TMEM131: variants seen among roughly 807,000 people sequenced by gnomAD.
The protein encoded by TMEM131 is transmembrane protein 131, also known as 2610524E03Rik.
In TMEM131, 66 loss-of-function variants were observed where a neutral mutation model predicts 211.6. The ratio of observed to expected loss-of-function variants is 0.31; its 90% CI spans 0.26 to 0.38. The LOEUF is 0.38. Ranked by LOEUF, TMEM131 falls within the 10% of genes least tolerant of loss-of-function variation. The pLI, the probability that TMEM131 is intolerant of heterozygous loss-of-function variation, is 1.00. For synonymous variants in TMEM131, 844 were observed against 841.3 expected (o/e 1.00, Z -0.06); for missense variants, 2,036 against 2,299.3 (o/e 0.89, Z 2.34).
At chr2:97,966,507 T>C (rs1679065678) in intron 1 of TMEM131, among the ~76,000 whole-genome samples, 1 of 152,160 alleles carries the variant, frequency 6.6e-6, no homozygotes, top group Non-Finnish European at 1.5e-5. Context: ...CTTCATCTCT[T>C]AGGTTCCAAC....
chr2:97,891,803 T>C (rs893019527), intron 3 of TMEM131, among the ~76,000 whole-genome samples: 1 of 152,174 alleles, frequency 6.6e-6, no homozygotes, highest in African/African-American at 2.4e-5. Flanking sequence ...ACAATGTTTG[T>C]GGAAATGCAG....
chr2:97,852,088 A>G (rs918426460), intron 5 of TMEM131, among the ~76,000 whole-genome samples: 4 of 152,176 alleles, frequency 2.6e-5, no homozygotes, highest in African/African-American at 9.7e-5. Context: ...GTAAAGAAGG[A>G]AAACAGCCTT....
At position 97,837,186 on chromosome 2, in the gene TMEM131, G is replaced by A. The variant is rs182040005; in HGVS notation, c.724-29C>T. On this transcript the variant is annotated intron_variant, in intron 7 of 40. Coordinates refer to ENST00000186436, the MANE Select transcript of TMEM131 (RefSeq NM_015348.2). Reference sequence around the variant, plus strand: ...GGGCAAAAGAGCACATGATGGCTACGTTCAAAGTCATATTCTCAAAGCAGG... The same window carrying A: ...GGGCAAAAGAGCACATGATGGCTACATTCAAAGTCATATTCTCAAAGCAGG... 8.6e-4 allele frequency: 1,310 copies of A among 1,527,160 alleles called. 2 individuals carry two copies. Among genetic ancestry groups the A allele is most frequent in the Admixed American group, 1.1e-3 (51 of 47,086 alleles). 94.6% of individuals were successfully genotyped at this position (1,527,160 alleles called of 1,614,324 possible).
chr2:97,757,506 G>C, intron 40 of TMEM131, 123 bp from the exon 41 acceptor site: 1 of 1,103,222 alleles, frequency 9.1e-7, no homozygotes, highest in Non-Finnish European at 1.3e-6. Context: ...GTTTACTTTA[G>C]AACAAATGTT....
chr2:97,832,218 A>G (rs1381956949), intron 11 of TMEM131, among the ~76,000 whole-genome samples: 1 of 152,204 alleles, frequency 6.6e-6, no homozygotes, highest in Non-Finnish European at 1.5e-5. Context: ...ATTTAATTCC[A>G]TGTCATAAGT....
chr2:97,758,202 TGAATAA>T (rs1678609846), intron 40 of TMEM131, among the ~76,000 whole-genome samples: 2 of 152,142 alleles, frequency 1.3e-5, no homozygotes, highest in Admixed American at 1.3e-4. Context: ...AACATAAGGC[TGAATAA>T]TTACACATGA....
At position 97,877,788 on chromosome 2, in the gene TMEM131, A is replaced by G. The variant is rs562151706; in HGVS notation, c.359+10264T>C. ...ACCTGGGGAATACCAATCAGGACATAGGCATGGGCAAAGACTTCATGACTA... is the reference window on the plus strand; with the variant it reads ...ACCTGGGGAATACCAATCAGGACATGGGCATGGGCAAAGACTTCATGACTA... On this transcript the variant is annotated intron_variant, in intron 4 of 40. Transcript: ENST00000186436. Among the ~76,000 whole-genome samples, 12 of 152,346 alleles carry G rather than the reference A, an allele frequency of 7.9e-5. No individual in the cohort carries two copies. In the South Asian group the frequency reaches 2.5e-3, roughly 32 times the overall value.
At chr2:97,992,108 C>A (rs1265858368) in intron 1 of TMEM131, among the ~76,000 whole-genome samples, 1 of 152,182 alleles carries the variant, frequency 6.6e-6, no homozygotes, top group Non-Finnish European at 1.5e-5. Context: ...AAAAGGTACC[C>A]ACTCTACCCC....
intron 35 of TMEM131, chr2:97,765,167 C>T (rs958302744): frequency 1.3e-5 from 2 of 152,172 alleles, no homozygotes; most frequent in Non-Finnish European, 1.5e-5. Flanking sequence ...GTATCCCACC[C>T]CTGGCAAAAA....
intron 2 of TMEM131, among the ~76,000 whole-genome samples, chr2:97,915,198 A>G (rs762831938): frequency 6.6e-6 from 1 of 152,118 alleles, no homozygotes; most frequent in Non-Finnish European, 1.5e-5. Context: ...TATACTATTG[A>G]GTTTCGAGAG....
At chr2:97,897,698 T>C (rs1230167394) in intron 3 of TMEM131, among the ~76,000 whole-genome samples, 3 of 152,158 alleles carry the variant, frequency 2.0e-5, no homozygotes, top group Non-Finnish European at 1.5e-5. Context: ...ATGTCGCTTC[T>C]AGCTTTCTTT....
chr2:97,986,288 T>C (rs1680025106), intron 1 of TMEM131, among the ~76,000 whole-genome samples: 1 of 152,178 alleles, frequency 6.6e-6, no homozygotes, highest in African/African-American at 2.4e-5. Flanking sequence ...TGATTGCCTT[T>C]GAAGAAAACT....
chr2:97,820,495 G>T (rs1410470167), intron 11 of TMEM131, among the ~76,000 whole-genome samples: 1 of 152,176 alleles, frequency 6.6e-6, no homozygotes, highest in Non-Finnish European at 1.5e-5. Context: ...TGCAATAAAA[G>T]GATGTTTAAC....
At chr2:97,982,292 T>C (rs188561112) in intron 1 of TMEM131, among the ~76,000 whole-genome samples, 57 of 152,326 alleles carry the variant, frequency 3.7e-4, no homozygotes, top group Admixed American at 3.1e-3. Flanking sequence ...TAGAGCATCT[T>C]TTCATACGTT....
chr2:97,793,347 GC>G (rs1559362583), intron 30 of TMEM131, 47 bp downstream of exon 30: 1 of 1,528,988 alleles, frequency 6.5e-7, no homozygotes, highest in Non-Finnish European at 8.8e-7. Context: ...AATTTTATCA[GC>G]CAAATCTATG....
At chr2:97,783,360 G>A (rs115290715) in intron 31 of TMEM131, among the ~76,000 whole-genome samples, 1,820 of 152,132 alleles carry the variant, frequency 0.012, 40 homozygotes, top group African/African-American at 0.041. Context: ...AACCTTGGAG[G>A]ATTAGGAAAA....
chr2:97,778,505 C>T lies in TMEM131; in HGVS notation c.4145-2487G>A, dbSNP rs1211377953. Among the ~76,000 whole-genome samples the T allele has an allele frequency of 2.0e-5, 3 of 151,486 alleles. No individual in the cohort carries two copies. The East Asian group carries it at 5.8e-4, about 29-fold the overall frequency. On this transcript the variant is annotated intron_variant, in intron 31 of 40. Transcript: ENST00000186436. ...GGTGGAGGTTGCAGTGGGCTGAGAT[C>T]GTGCCACTGCACTCCAGCCTGGGTG...
At chr2:97,973,055 T>C (rs1431512512) in intron 1 of TMEM131, among the ~76,000 whole-genome samples, 1 of 152,176 alleles carries the variant, frequency 6.6e-6, no homozygotes, top group African/African-American at 2.4e-5. Flanking sequence ...TCCAGAACCA[T>C]AAAATAATAA....
intron 5 of TMEM131, among the ~76,000 whole-genome samples, chr2:97,846,955 C>T (rs1179431503): frequency 1.1e-4 from 17 of 151,546 alleles, no homozygotes; most frequent in East Asian, 3.9e-4. Context: ...CCGAGGTGGG[C>T]GGATCACAAG....
Sources: allele counts gnomAD v4.1 joint callset (sites outside exome capture counted in the v4.1 genomes callset), GRCh38; gene constraint gnomAD v4.1.1; transcripts MANE v1.5; gene names NCBI Gene and HGNC (gene_info 2026-07-23, HGNC 2026-07-21).